Variants in FBXL17 observed in about 807,000 individuals in gnomAD.
FBXL17 encodes F-box and leucine rich repeat protein 17.
FBXL17 carries 22 observed loss-of-function variants against 66.2 expected under a neutral mutation model. The ratio of observed to expected loss-of-function variants is 0.33; its 90% CI spans 0.24 to 0.47. The LOEUF is 0.47. Ranked by LOEUF, FBXL17 falls within the 20% of genes least tolerant of loss-of-function variation. The pLI is 1.00. For synonymous variants in FBXL17, 474 were observed against 400.5 expected (o/e 1.18, Z -2.19); for missense variants, 878 against 948.2 (o/e 0.93, Z 0.97).
chr5:107,932,598 T>G (rs1294865217), intron 7 of FBXL17, among the ~76,000 whole-genome samples: 1 of 152,208 alleles, frequency 6.6e-6, no homozygotes, highest in Non-Finnish European at 1.5e-5. Flanking sequence ...CACAATTGTA[T>G]GTAAAATCAC....
intron 2 of FBXL17, among the ~76,000 whole-genome samples, chr5:108,367,349 G>C (rs368289823): frequency 5.3e-5 from 8 of 151,890 alleles, no homozygotes; most frequent in African/African-American, 1.9e-4. Context: ...AAAAAAAAAG[G>C]TTATCTTAGC....
chr5:107,884,036 T>C (rs1166536437), intron 7 of FBXL17, among the ~76,000 whole-genome samples: 1 of 152,206 alleles, frequency 6.6e-6, no homozygotes, highest in Non-Finnish European at 1.5e-5. Flanking sequence ...GGAAGACTCA[T>C]TTCAGAGAGA....
intron 7 of FBXL17, among the ~76,000 whole-genome samples, chr5:107,981,188 C>T (rs1752811708): frequency 6.6e-6 from 1 of 152,106 alleles, no homozygotes; most frequent in Non-Finnish European, 1.5e-5. Flanking sequence ...TTCAGCATGG[C>T]TTGAGCAGGA....
At chr5:107,890,505 TA>T (rs899013729) in intron 7 of FBXL17, among the ~76,000 whole-genome samples, 2 of 149,724 alleles carry the variant, frequency 1.3e-5, no homozygotes, top group South Asian at 2.1e-4. Flanking sequence ...CTACAAAAAA[TA>T]AAAAAAAATA....
chr5:108,217,925 T>C (rs867279833), intron 5 of FBXL17, among the ~76,000 whole-genome samples: 14 of 152,144 alleles, frequency 9.2e-5, no homozygotes, highest in African/African-American at 2.9e-4. Flanking sequence ...TCCAGGTTCA[T>C]CCATGTTGTT....
intron 7 of FBXL17, among the ~76,000 whole-genome samples, chr5:108,007,026 T>C (rs967058680): frequency 6.6e-6 from 1 of 152,204 alleles, no homozygotes; most frequent in Non-Finnish European, 1.5e-5. Flanking sequence ...GAATTATATT[T>C]AGTGCTGCCA....
At chr5:108,219,176 T>A (rs572713977) in intron 5 of FBXL17, among the ~76,000 whole-genome samples, 146 of 152,376 alleles carry the variant, frequency 9.6e-4, no homozygotes, top group African/African-American at 3.3e-3. Context: ...AGAAGACTTG[T>A]GTTGAATTGG....
At chr5:108,306,887 C>T (rs1373866799) in intron 4 of FBXL17, among the ~76,000 whole-genome samples, 1 of 152,068 alleles carries the variant, frequency 6.6e-6, no homozygotes, top group Non-Finnish European at 1.5e-5. Flanking sequence ...TATTGATTGA[C>T]ACTAGCAATT....
intron 6 of FBXL17, among the ~76,000 whole-genome samples, chr5:108,145,821 C>CAATAATAAT (rs139233106): frequency 0.03 from 4,373 of 146,128 alleles, 237 homozygotes; most frequent in African/African-American, 0.1. Flanking sequence ...GTTGCCTAAA[C>CAATAATAAT]AATAATAATA....
intron 4 of FBXL17, among the ~76,000 whole-genome samples, chr5:108,328,006 G>A (rs1488672344): frequency 6.6e-6 from 1 of 152,076 alleles, no homozygotes; most frequent in Non-Finnish European, 1.5e-5. Context: ...TGCTTAAGAA[G>A]GAACCTGCAA....
At position 107,966,842 on chromosome 5, in the gene FBXL17, AG is replaced by A. The variant is rs562785754; in HGVS notation, c.1822+54082del. On this transcript the variant is annotated intron_variant, in intron 7 of 8. Transcript: ENST00000542267. The stretch of plus-strand genomic sequence containing the variant: ...TCTTCCATCTGCTTTCCTGTTTTGC[AG>A]GTTGTGTTTTAGGAGTACGGTGATC... Among the ~76,000 whole-genome samples, 69 of 152,176 alleles carry A rather than the reference AG, an allele frequency of 4.5e-4. 2 individuals carry two copies. The South Asian group carries it at 0.014, about 32-fold the overall frequency.
rs200816996 is a variant in FBXL17, at chr5:107,863,826, A to AG, written c.1966-1967dup. Among the ~76,000 whole-genome samples the AG allele has an allele frequency of 6.3e-3, 964 of 152,326 alleles. 6 individuals carry two copies. Among genetic ancestry groups the AG allele is most frequent in the Admixed American group, 0.019 (284 of 15,300 alleles). ...ATTCAGCTCAAGAATCTCCTTCTTC[A>AG]GGGAAGCCCTCCCTAAGCAACCCAA... On this transcript the variant is annotated intron_variant, in intron 8 of 8. Coordinates refer to ENST00000542267, the MANE Select transcript of FBXL17 (RefSeq NM_001163315.3).
intron 6 of FBXL17, among the ~76,000 whole-genome samples, chr5:108,074,580 A>C (rs572464620): frequency 1.6e-4 from 25 of 152,214 alleles, no homozygotes; most frequent in Admixed American, 1.6e-3. Context: ...GTACACATGA[A>C]AGGATCTACA....
chr5:108,316,804 T>A (rs1429165875), intron 4 of FBXL17, among the ~76,000 whole-genome samples: 1 of 148,018 alleles, frequency 6.8e-6, no homozygotes, highest in Non-Finnish European at 1.5e-5. Context: ...ATACTGTTGA[T>A]TTTTTTTTAG....
rs542722783 is a variant in FBXL17 at position 108,033,997 on chromosome 5, T to A, written c.1746-12996A>T. On this transcript the variant is annotated intron_variant, in intron 6 of 8. Transcript: ENST00000542267. ...ATAAAAATATATATGTGTCATATAA[T>A]TAATGCATTTTACAGGCAATACTTG... Among the ~76,000 whole-genome samples the A allele has an allele frequency of 2.0e-5, 3 of 152,316 alleles. No individual in the cohort carries two copies. In the South Asian group the frequency reaches 6.2e-4, roughly 32 times the overall value.
chr5:108,007,244 T>C (rs1175471968), intron 7 of FBXL17, among the ~76,000 whole-genome samples: 2 of 152,160 alleles, frequency 1.3e-5, no homozygotes, highest in African/African-American at 4.8e-5. Context: ...TAGTTGGGAA[T>C]TGAGTATGTG....
intron 7 of FBXL17, among the ~76,000 whole-genome samples, chr5:107,906,616 C>T (rs751646091): frequency 6.6e-6 from 1 of 152,094 alleles, no homozygotes; most frequent in African/African-American, 2.4e-5. Context: ...TCTGTCTGAC[C>T]ATACAGGATC....
chr5:108,225,069 A>T (rs1157428940), intron 4 of FBXL17, among the ~76,000 whole-genome samples: 1 of 152,124 alleles, frequency 6.6e-6, no homozygotes, highest in African/African-American at 2.4e-5. Flanking sequence ...CAAAGACCCC[A>T]TGCCCATTAA....
At chr5:108,178,825 T>C (rs748083039) in intron 6 of FBXL17, among the ~76,000 whole-genome samples, 12 of 152,168 alleles carry the variant, frequency 7.9e-5, no homozygotes, top group Non-Finnish European at 1.5e-4. Context: ...TGATAGAAAA[T>C]TGCTCAAACT....
Sources: allele counts gnomAD v4.1 joint callset (sites outside exome capture counted in the v4.1 genomes callset), GRCh38; gene constraint gnomAD v4.1.1; transcripts MANE v1.5; gene names NCBI Gene and HGNC (gene_info 2026-07-23, HGNC 2026-07-21).